Variants in SPAG16 observed in about 807,000 individuals in gnomAD.
SPAG16 encodes sperm associated antigen 16.
In SPAG16, 86 loss-of-function variants were observed where a neutral mutation model predicts 80.4. The observed-to-expected ratio is 1.07, with a 90% CI of 0.90 to 1.28. The LOEUF (loss-of-function observed/expected upper bound fraction) is 1.28. Among genes scored for constraint, SPAG16 ranks in the 50% most tolerant of loss-of-function variants. The probability of loss-of-function intolerance (pLI) is 0.00; values close to 1 mark genes in which losing one functional copy is unlikely to be tolerated. For missense variants in SPAG16, 870 were observed against 765.3 expected (o/e 1.14, Z -1.61); for synonymous variants, 294 against 265.9 (o/e 1.11, Z -1.03).
chr2:214,344,281 T>A (rs542312273), intron 15 of SPAG16, among the ~76,000 whole-genome samples: 5 of 152,316 alleles, frequency 3.3e-5, no homozygotes, highest in African/African-American at 1.2e-4. Flanking sequence ...AAGTCATGGC[T>A]TTGAAGTATT....
At chr2:214,359,756 G>A (rs1176102929) in intron 15 of SPAG16, among the ~76,000 whole-genome samples, 2 of 151,800 alleles carry the variant, frequency 1.3e-5, no homozygotes, top group Non-Finnish European at 2.9e-5. Context: ...TTAATTAAAT[G>A]TATTAAGGAA....
intron 12 of SPAG16, among the ~76,000 whole-genome samples, chr2:213,962,978 T>C (rs550865621): frequency 2.0e-5 from 3 of 152,266 alleles, no homozygotes; most frequent in African/African-American, 7.2e-5. Context: ...TCATCTTTTC[T>C]ATGAACCTAC....
intron 13 of SPAG16, among the ~76,000 whole-genome samples, chr2:214,094,085 T>C (rs151212748): frequency 2.8e-3 from 422 of 152,168 alleles, no homozygotes; most frequent in Non-Finnish European, 4.7e-3. Flanking sequence ...TCACACTGAT[T>C]TGTGAAAGCA....
Position 214,023,812 on chromosome 2 carries a change from G to A in SPAG16, c.1527+9735G>A, listed in dbSNP as rs532102583. Among the ~76,000 whole-genome samples the A allele has an allele frequency of 2.0e-5, 3 of 151,536 alleles. No homozygotes were observed. In the East Asian group the frequency reaches 5.8e-4, roughly 29 times the overall value. On this transcript the variant is annotated intron_variant, in intron 13 of 15. Transcript: ENST00000331683. ...AGTTACTATAAATGGTATTACACTG[G>A]CCAGTAGCGGGAAGACTAGATTTTT... is the stretch of plus-strand genomic sequence containing the variant.
At chr2:214,237,855 T>C (rs887652290) in intron 15 of SPAG16, among the ~76,000 whole-genome samples, 5 of 152,074 alleles carry the variant, frequency 3.3e-5, no homozygotes, top group East Asian at 1.9e-4. Flanking sequence ...ATGGGACTTA[T>C]ATTGGGTTCT....
At chr2:214,125,039 T>C (rs1465592465) in intron 14 of SPAG16, among the ~76,000 whole-genome samples, 1 of 151,790 alleles carries the variant, frequency 6.6e-6, no homozygotes, top group Non-Finnish European at 1.5e-5. Flanking sequence ...TTTTTATATA[T>C]GTTTTCTTTT....
intron 9 of SPAG16, among the ~76,000 whole-genome samples, chr2:213,483,837 G>T (rs2073857737): frequency 6.6e-6 from 1 of 152,136 alleles, no homozygotes; most frequent in Non-Finnish European, 1.5e-5. Context: ...ATCAATTTTT[G>T]TGGGTTAGCC....
At chr2:213,536,351 C>A (rs1378301432) in intron 10 of SPAG16, among the ~76,000 whole-genome samples, 1 of 152,078 alleles carries the variant, frequency 6.6e-6, no homozygotes, top group Non-Finnish European at 1.5e-5. Context: ...TCCAGTAATG[C>A]AATGGCTGGG....
At chr2:213,904,293 A>G (rs1347268280) in intron 11 of SPAG16, among the ~76,000 whole-genome samples, 3 of 152,164 alleles carry the variant, frequency 2.0e-5, no homozygotes, top group Non-Finnish European at 4.4e-5. Flanking sequence ...GTTTAATTGG[A>G]CTTACATAGT....
intron 10 of SPAG16, among the ~76,000 whole-genome samples, chr2:213,629,170 A>T (rs1559324629): frequency 6.6e-6 from 1 of 152,218 alleles, no homozygotes; most frequent in Non-Finnish European, 1.5e-5. Flanking sequence ...AGAAACCCAG[A>T]CTTGTAACAC....
At chr2:213,536,765 C>T (rs1201031737) in intron 10 of SPAG16, among the ~76,000 whole-genome samples, 1 of 151,956 alleles carries the variant, frequency 6.6e-6, no homozygotes, top group South Asian at 2.1e-4. Context: ...AAAATTTTCT[C>T]CCATTTTGTA....
At chr2:214,282,654 A>G (rs1693041211) in intron 15 of SPAG16, among the ~76,000 whole-genome samples, 1 of 152,126 alleles carries the variant, frequency 6.6e-6, no homozygotes, top group African/African-American at 2.4e-5. Flanking sequence ...TTTTTCTACA[A>G]TCTTAGAATG....
chr2:213,355,625 A>C lies in SPAG16; in HGVS notation c.762+4980A>C, dbSNP rs369952318. 2.0e-3 allele frequency among the ~76,000 whole-genome samples: 306 copies of C among 152,302 alleles called. 2 individuals carry two copies. Among genetic ancestry groups the C allele is most frequent in the African/African-American group, 6.9e-3 (287 of 41,570 alleles). ...CTAGGTATTTTATTCTCTTTGAAGCAATTGTGAATGGGATTTCACTCATGA... is the reference window on the plus strand; with the variant it reads ...CTAGGTATTTTATTCTCTTTGAAGCCATTGTGAATGGGATTTCACTCATGA... On this transcript the variant is annotated intron_variant, in intron 7 of 15. Transcript: ENST00000331683.
chr2:214,310,595 TGGAG>T (rs1695229879), intron 15 of SPAG16, among the ~76,000 whole-genome samples: 1 of 152,156 alleles, frequency 6.6e-6, no homozygotes, highest in Non-Finnish European at 1.5e-5. Flanking sequence ...ATGAAGCTCA[TGGAG>T]GGAGTTTGTG....
intron 10 of SPAG16, among the ~76,000 whole-genome samples, chr2:213,509,858 A>G (rs2075153096): frequency 6.6e-6 from 1 of 152,202 alleles, no homozygotes; most frequent in Non-Finnish European, 1.5e-5. Context: ...AAAACCCTTC[A>G]AAAATTAATG....
At chr2:213,609,039 C>T (rs1416540712) in intron 10 of SPAG16, among the ~76,000 whole-genome samples, 8 of 152,120 alleles carry the variant, frequency 5.3e-5, no homozygotes, top group East Asian at 3.9e-4. Context: ...TAAAAGCAGA[C>T]GATCTTTTAA....
chr2:213,868,245 G>C (rs2075785698), intron 11 of SPAG16, among the ~76,000 whole-genome samples: 1 of 92,484 alleles, frequency 1.1e-5, no homozygotes, highest in Admixed American at 1.2e-4. Context: ...TTATAAAAAT[G>C]AGAATTTTTT....
At chr2:213,406,524 C>T (rs1575504262) in intron 9 of SPAG16, among the ~76,000 whole-genome samples, 1 of 151,882 alleles carries the variant, frequency 6.6e-6, no homozygotes, top group Non-Finnish European at 1.5e-5. Flanking sequence ...TGTTATGAAC[C>T]AAAATAAGTC....
chr2:213,585,423 C>T (rs1327978790), intron 10 of SPAG16, among the ~76,000 whole-genome samples: 2 of 151,518 alleles, frequency 1.3e-5, no homozygotes, highest in Admixed American at 6.6e-5. Context: ...ACTACAGGTA[C>T]GTGCCACCAT....
Sources: gnomAD v4.1 joint callset for allele counts (sites outside exome capture counted in the v4.1 genomes callset) on GRCh38, gnomAD v4.1.1 for gene constraint, MANE v1.5 for transcripts, NCBI Gene and HGNC (gene_info 2026-07-23, HGNC 2026-07-21) for gene names.